The following TAF1L variants were observed in gnomAD, a reference collection of about 807,000 sequenced individuals.
The protein encoded by TAF1L is transcription initiation factor TFIID subunit 1-like.
A neutral mutation model predicts 128.8 loss-of-function variants in TAF1L; 30 were observed. The observed-to-expected ratio is 0.23, with a 90% CI of 0.17 to 0.32. The LOEUF is 0.32. TAF1L is among the 10% of genes least tolerant of loss of function. The pLI is 1.00. For synonymous variants in TAF1L, 764 were observed against 790.7 expected, an observed-to-expected ratio of 0.97 and a Z score of 0.57; for missense variants, 2,099 against 2,253.7, an observed-to-expected ratio of 0.93 and a Z score of 1.39.
rs776379584 is a variant in TAF1L at position 32,634,637 on chromosome 9, A to T, written c.943T>A (p.Tyr315Asn). Residue 315 changes from tyrosine (Y) to asparagine (N), a missense_variant, in exon 1 of 1, where the codon TAT becomes AAT. Tyr to Asn is a moderately radical substitution (Grantham distance 143, BLOSUM62 -2). Coordinates refer to ENST00000242310, the MANE Select transcript of TAF1L (RefSeq NM_153809.2). ...VSQKSLWNYD[Y>N]APPPPPEQCL... ...TGCTCTGGGGGTGGTGGTGGAGCAT[A>T]GTCATAGTTCCACAAAGACTTCTGG... 3.1e-6 allele frequency: 5 copies of T among 1,613,936 alleles called. No homozygotes were observed. Among genetic ancestry groups the T allele is most frequent in the Non-Finnish European group, 4.2e-6 (5 of 1,179,966 alleles).
Position 32,630,371 on chromosome 9 carries a change from G to C in TAF1L, c.5209C>G (p.Pro1737Ala). ...EEDGKPKPPA[P>A]EGGDGDLADE... ...GCAAGATCACCATCTCCCCCTTCTG[G>C]GGCTGGAGGCTTAGGTTTCCCATCC... The change falls in exon 1 of 1, where the codon CCA (proline) becomes GCA (alanine). Residue 1737 changes from proline (P) to alanine (A), a missense_variant. By Grantham distance (27) the Pro-to-Ala change is conservative. Coordinates refer to ENST00000242310, the MANE Select transcript of TAF1L (RefSeq NM_153809.2). 1 of 1,614,038 alleles carries C rather than the reference G, an allele frequency of 6.2e-7. No individual in the cohort carries two copies. The highest frequency in any genetic ancestry group is 8.5e-7 in the Non-Finnish European group (1 of 1,179,998).
Position 32,631,354 on chromosome 9 carries a change from T to G in TAF1L, c.4226A>C (p.Glu1409Ala), listed in dbSNP as rs2119084430. 2.5e-6 allele frequency: 4 copies of G among 1,614,178 alleles called. No individual in the cohort carries two copies. The East Asian group carries it at 6.7e-5, about 27-fold the overall frequency. Reference protein sequence around the residue: ...DPMVTLSSILESIINDMRDLP... With the variant: ...DPMVTLSSILASIINDMRDLP... ...ATCTCTCATGTCATTGATGATAGAC[T>G]CCAGGATGGATGACAGCGTCACCAT... Residue 1409 changes from glutamate to alanine, a missense_variant, in exon 1 of 1, where the codon GAG becomes GCG. By Grantham distance (107) the Glu-to-Ala change is moderately radical. Transcript: ENST00000242310. This position sits in a 1 kb window ranked among gnomAD's most constrained non-coding sequence, Gnocchi z 4.1.
At position 32,632,279 on chromosome 9, in the gene TAF1L, C is replaced by T; in HGVS notation, c.3301G>A (p.Val1101Ile). 2 of 1,614,200 alleles carry T rather than the reference C, an allele frequency of 1.2e-6. No individual in the cohort carries two copies. Among genetic ancestry groups the T allele is most frequent in the Non-Finnish European group, 1.7e-6 (2 of 1,180,044 alleles). ...ATGCTGTCTGTGTCAGTTGATAAGACCTCAGTTGATGACAGAACCTTGTTC... is the reference window on the plus strand; with the variant it reads ...ATGCTGTCTGTGTCAGTTGATAAGATCTCAGTTGATGACAGAACCTTGTTC... ...LQNKVLSSTEVLSTDTDSISA... is the reference protein window; with the variant it reads ...LQNKVLSSTEILSTDTDSISA... The change falls in exon 1 of 1, where the codon GTC (valine) becomes ATC (isoleucine). Residue 1101 changes from valine (V) to isoleucine (I), a missense_variant. Around this residue, in one of 4 missense-constraint regions of TAF1L, gnomAD observed 1,213 missense variants for 1,391.4 expected, o/e 0.87. Coordinates refer to ENST00000242310, the MANE Select transcript of TAF1L (RefSeq NM_153809.2). The surrounding 1 kb of genome is among the most constrained non-coding windows in gnomAD (Gnocchi z 4.4).
chr9:32,635,080 T>C lies in TAF1L; in HGVS notation c.500A>G (p.Lys167Arg), dbSNP rs997944811. 4.3e-6 allele frequency: 7 copies of C among 1,613,946 alleles called. No homozygotes were observed. The African/African-American group carries it at 6.7e-5, about 15-fold the overall frequency. ...PPPPPPGPMK[K>R]DKDQDAITCV... ...GGTAATAGCATCTTGGTCCTTATCC[T>C]TCTTCATTGGTCCCGGGGGTGGAGG... The change falls in exon 1 of 1, where the codon AAG (lysine) becomes AGG (arginine). Residue 167 changes from lysine to arginine, a missense_variant. Coordinates refer to ENST00000242310, the MANE Select transcript of TAF1L (RefSeq NM_153809.2).
Position 32,635,572 on chromosome 9 carries a change from G to C in TAF1L, c.8C>G (p.Pro3Arg), listed in dbSNP as rs1822574565. Residue 3 changes from proline to arginine, a missense_variant, in exon 1 of 1, where the codon CCC becomes CGC. Physicochemically the swap from Pro to Arg is moderately radical, Grantham distance 103. Around this residue, in one of 4 missense-constraint regions of TAF1L, gnomAD observed 473 missense variants for 429.6 expected, o/e 1.10. Transcript: ENST00000242310. MR[P>R]GCDLLLRAAA... is the part of the protein sequence containing the mutation. ...TGCCCTCAGCAGCAAATCGCAGCCG[G>C]GTCGCATAAACCGGAAATAAAACAA... 1.2e-6 allele frequency: 2 copies of C among 1,612,856 alleles called. No individual in the cohort carries two copies. The highest frequency in any genetic ancestry group is 8.5e-7 in the Non-Finnish European group (1 of 1,179,382).
chr9:32,631,493 T>C lies in TAF1L; in HGVS notation c.4087A>G (p.Lys1363Glu). Residue 1363 changes from lysine (K) to glutamate (E), a missense_variant, in exon 1 of 1, where the codon AAG becomes GAG. Lys to Glu is a moderately conservative substitution (Grantham distance 56). Coordinates refer to ENST00000242310, the MANE Select transcript of TAF1L (RefSeq NM_153809.2). The surrounding 1 kb of genome is among the most constrained non-coding windows in gnomAD (Gnocchi z 4.1). ...GGAGGAAGCTGCTGTTTAGGAAACT[T>C]GAGAACCAGAGATTTTCTGCGAACC... is the stretch of plus-strand genomic sequence containing the variant. ...HEVRRKSLVLKFPKQQLPPKK... is the reference protein window; with the variant it reads ...HEVRRKSLVLEFPKQQLPPKK... The C allele has an allele frequency of 1.9e-6, 3 of 1,614,208 alleles. No homozygotes were observed. The highest frequency in any genetic ancestry group is 4.5e-5 in the East Asian group (2 of 44,888).
In TAF1L at chr9:32,630,416, C is replaced by A. The variant is rs903517850; in HGVS notation, c.5164G>T (p.Gly1722Trp). Residue 1722 changes from glycine to tryptophan, a missense_variant, in exon 1 of 1, where the codon GGG becomes TGG. Gly to Trp is a radical substitution (Grantham distance 184). Transcript: ENST00000242310. ...GEEDSDVDVE[G>W]YDDEEEDGKP... ...CCATCCTCCTCCTCATCATCATACC[C>A]TTCAACATCCACATCAGAGTCTTCC... 6.2e-7 allele frequency: 1 copy of A among 1,614,206 alleles called. No individual in the cohort carries two copies.
Position 32,630,469 on chromosome 9 carries a change from ATC to A in TAF1L, c.5109_5110del (p.Gln1703HisfsTer7), listed in dbSNP as rs777233672. 2 of 1,614,138 alleles carry A rather than the reference ATC, an allele frequency of 1.2e-6. No homozygotes were observed. The highest frequency in any genetic ancestry group is 1.7e-6 in the Non-Finnish European group (2 of 1,180,024). On this transcript the variant is annotated frameshift_variant, in exon 1 of 1. Transcript: ENST00000242310. LOFTEE classifies it high-confidence loss of function. ...ACCCAGCCTACCTTGGCCCTGGCAC[ATC>A]TGTTTTTCTGGAGTGGCAGTGGAAA...
At position 32,631,898 on chromosome 9, in the gene TAF1L, A is replaced by G. The variant is rs1822522603; in HGVS notation, c.3682T>C (p.Phe1228Leu). 6.2e-7 allele frequency: 1 copy of G among 1,613,960 alleles called. No individual in the cohort carries two copies. The highest frequency in any genetic ancestry group is 8.5e-7 in the Non-Finnish European group (1 of 1,180,046). The change falls in exon 1 of 1, where the codon TTT becomes CTT. Residue 1228 changes from phenylalanine to leucine, a missense_variant. By Grantham distance (22) the Phe-to-Leu change is conservative. Transcript: ENST00000242310. This position sits in a 1 kb window ranked among gnomAD's most constrained non-coding sequence, Gnocchi z 4.1. ...CGATGTTTTTCATCAAAAAGGGCAA[A>G]TTTTTGAATGAATTTCTCATCTTTT... is the stretch of plus-strand genomic sequence containing the variant. Reference protein sequence around the residue: ...TTKDEKFIQKFALFDEKHREE... With the variant: ...TTKDEKFIQKLALFDEKHREE...
Position 32,633,044 on chromosome 9 carries a change from T to A in TAF1L, c.2536A>T (p.Met846Leu). The A allele has an allele frequency of 6.2e-7, 1 of 1,614,194 alleles. No homozygotes were observed. Residue 846 changes from methionine (M) to leucine (L), a missense_variant, in exon 1 of 1, where the codon ATG (methionine) becomes TTG (leucine). By Grantham distance (15) the Met-to-Leu change is conservative. Coordinates refer to ENST00000242310, the MANE Select transcript of TAF1L (RefSeq NM_153809.2). ...KSKDRPRRIR[M>L]EDIKKAFPSH... is the part of the protein sequence containing the mutation. ...GGAAAGGCTTTTTTTATATCTTCCA[T>A]TCGTATCCTCCGTGGCCGATCTTTA... is the stretch of plus-strand genomic sequence containing the variant.
At position 32,630,809 on chromosome 9, in the gene TAF1L, C is replaced by T. The variant is rs767781428; in HGVS notation, c.4771G>A (p.Val1591Ile). ...YQSRESFLDDVNLILANSVKY... is the reference protein window; with the variant it reads ...YQSRESFLDDINLILANSVKY... ...ACACTGTTGGCAAGAATAAGGTTTA[C>T]ATCATCTAGAAAACTCTCCCGACTC... Residue 1591 changes from valine (V) to isoleucine (I), a missense_variant, in exon 1 of 1, where the codon GTA becomes ATA. This residue lies in a region of TAF1L where 404 missense variants were observed against 406.5 expected (regional missense o/e 0.99). Coordinates refer to ENST00000242310, the MANE Select transcript of TAF1L (RefSeq NM_153809.2). 15 of 1,614,188 alleles carry T rather than the reference C, an allele frequency of 9.3e-6. No individual in the cohort carries two copies. Among genetic ancestry groups the T allele is most frequent in the Non-Finnish European group, 1.2e-5 (14 of 1,180,042 alleles).
Position 32,630,275 on chromosome 9 carries a change from C to T in TAF1L, c.5305G>A (p.Gly1769Arg). 6.2e-7 allele frequency: 1 copy of T among 1,614,204 alleles called. No individual in the cohort carries two copies. The highest frequency in any genetic ancestry group is 8.5e-7 in the Non-Finnish European group (1 of 1,180,046). ...CCAGCATCTTCCTCATCATCTTCTC[C>T]TTCAGATATAAGCAAATCCTCATAC... ...VLYEDLLISE[G>R]EDDEEDAGSD... is the part of the protein sequence containing the mutation. Residue 1769 changes from glycine to arginine, a missense_variant, in exon 1 of 1, where the codon GGA becomes AGA. By Grantham distance (125) the Gly-to-Arg change is moderately radical (BLOSUM62 -2). Coordinates refer to ENST00000242310, the MANE Select transcript of TAF1L (RefSeq NM_153809.2).
In TAF1L at chr9:32,630,560, A is replaced by T; in HGVS notation, c.5020T>A (p.Ser1674Thr). ...QPPDMYDTNT[S>T]LSTSRDASVF... ...GAGGCATCTCGAGACGTACTGAGGGATGTGTTGGTATCATACATATCAGGA... is the reference window on the plus strand; with the variant it reads ...GAGGCATCTCGAGACGTACTGAGGGTTGTGTTGGTATCATACATATCAGGA... The change falls in exon 1 of 1, where the codon TCC (serine) becomes ACC (threonine). Residue 1674 changes from serine (S) to threonine (T), a missense_variant. By Grantham distance (58) the Ser-to-Thr change is moderately conservative (BLOSUM62 1). This residue lies in a region of TAF1L where 404 missense variants were observed against 406.5 expected (regional missense o/e 0.99). Transcript: ENST00000242310. 6.2e-7 allele frequency: 1 copy of T among 1,614,122 alleles called. No individual in the cohort carries two copies. The highest frequency in any genetic ancestry group is 8.5e-7 in the Non-Finnish European group (1 of 1,180,022).
At position 32,633,197 on chromosome 9, in the gene TAF1L, A is replaced by G. The variant is rs191743642; in HGVS notation, c.2383T>C (p.Leu795=). ...RTRQGYYIRE[L]VDIFVVGQQC... The stretch of plus-strand genomic sequence containing the variant: ...TGGCCAACCACAAAAATATCCACTA[A>G]TTCCCGAATATAGTAACCCTGTCTT... Residue 795 remains leucine (L), a synonymous_variant, in exon 1 of 1, where the codon TTA becomes CTA. Coordinates refer to ENST00000242310, the MANE Select transcript of TAF1L (RefSeq NM_153809.2). 2 of 1,614,170 alleles carry G rather than the reference A, an allele frequency of 1.2e-6. No homozygotes were observed. The highest frequency in any genetic ancestry group is 1.7e-6 in the Non-Finnish European group (2 of 1,180,032).
In TAF1L at chr9:32,635,463, A is replaced by G. The variant is rs1352340461; in HGVS notation, c.117T>C (p.Gly39=). The G allele has an allele frequency of 6.2e-7, 1 of 1,614,102 alleles. No individual in the cohort carries two copies. The highest frequency in any genetic ancestry group is 8.5e-7 in the Non-Finnish European group (1 of 1,180,010). ...CTCCACTGATGTTGCCGAAAAGGAT[A>G]CCCGCTAAAGTAAATGGGCCACCTC... is the stretch of plus-strand genomic sequence containing the variant. The part of the protein sequence containing the change: ...SSGGGPFTLA[G]ILFGNISGAG... The change falls in exon 1 of 1, where the codon GGT becomes GGC. Residue 39 remains glycine, a synonymous_variant. Coordinates refer to ENST00000242310, the MANE Select transcript of TAF1L (RefSeq NM_153809.2).
rs1199687583 is a variant in TAF1L at position 32,634,673 on chromosome 9, A to G, written c.907T>C (p.Ser303Pro). 2 of 1,613,854 alleles carry G rather than the reference A, an allele frequency of 1.2e-6. No individual in the cohort carries two copies. Among genetic ancestry groups the G allele is most frequent in the East Asian group, 2.2e-5 (1 of 44,856 alleles). Residue 303 changes from serine to proline, a missense_variant, in exon 1 of 1, where the codon TCA (serine) becomes CCA (proline). Ser to Pro is a moderately conservative substitution (Grantham distance 74). Transcript: ENST00000242310. ...CACAAAGACTTCTGGCTGACTTCTG[A>G]TTCTACTGAGCATTCCACCTCCTGG... The part of the protein sequence containing the change: ...QIQEVECSVE[S>P]EVSQKSLWNY...
At position 32,634,365 on chromosome 9, in the gene TAF1L, C is replaced by T. The variant is rs373288483; in HGVS notation, c.1215G>A (p.Arg405=). 6.2e-6 allele frequency: 10 copies of T among 1,614,082 alleles called. No homozygotes were observed. Among genetic ancestry groups the T allele is most frequent in the Non-Finnish European group, 7.6e-6 (9 of 1,180,044 alleles). Residue 405 remains arginine (R), a synonymous_variant, in exon 1 of 1, where the codon AGG becomes AGA. Coordinates refer to ENST00000242310, the MANE Select transcript of TAF1L (RefSeq NM_153809.2). ...VIKSRMMEEF[R]KLEESNGTDL... ...CAGTGCCATTGCTTTCCTCAAGTTT[C>T]CTAAATTCCTCCATCATTCTAGATT...
Position 32,634,314 on chromosome 9 carries a change from C to T in TAF1L, c.1266G>A (p.Leu422=), listed in dbSNP as rs1477230747. 6.2e-7 allele frequency: 1 copy of T among 1,614,082 alleles called. No individual in the cohort carries two copies. The highest frequency in any genetic ancestry group is 1.3e-5 in the African/African-American group (1 of 74,920). The part of the protein sequence containing the change: ...GTDLLADENF[L]MVTQLHWEDS... ...CCTCCCAATGCAGCTGTGTCACCATCAGGAAGTTTTCGTCAGCCAGAAGAT... is the reference window on the plus strand; with the variant it reads ...CCTCCCAATGCAGCTGTGTCACCATTAGGAAGTTTTCGTCAGCCAGAAGAT... The change falls in exon 1 of 1, where the codon CTG becomes CTA. Residue 422 remains leucine, a synonymous_variant. Coordinates refer to ENST00000242310, the MANE Select transcript of TAF1L (RefSeq NM_153809.2).
In TAF1L at chr9:32,631,581, T is replaced by A; in HGVS notation, c.3999A>T (p.Glu1333Asp). 3 of 1,614,174 alleles carry A rather than the reference T, an allele frequency of 1.9e-6. No individual in the cohort carries two copies. The highest frequency in any genetic ancestry group is 1.6e-4 in the Middle Eastern group (1 of 6,062). The part of the protein sequence containing the change: ...EKTVIHNDNE[E>D]LIKVEGTKIV... ...TTTTGGTCCCTTCAACCTTGATAAGTTCTTCATTATCATTATGAATGACTG... is the reference window on the plus strand; with the variant it reads ...TTTTGGTCCCTTCAACCTTGATAAGATCTTCATTATCATTATGAATGACTG... Residue 1333 changes from glutamate (E) to aspartate (D), a missense_variant, in exon 1 of 1, where the codon GAA (glutamate) becomes GAT (aspartate). Coordinates refer to ENST00000242310, the MANE Select transcript of TAF1L (RefSeq NM_153809.2). The surrounding 1 kb of genome is among the most constrained non-coding windows in gnomAD (Gnocchi z 4.1).
Sources: gnomAD v4.1 joint callset for allele counts on GRCh38, gnomAD v4.1.1 for gene constraint, gnomAD v4.1.1 regional missense constraint, Gnocchi (gnomAD v3.1) non-coding constraint, MANE v1.5 for transcripts, NCBI Gene and HGNC (gene_info 2026-07-23, HGNC 2026-07-21) for gene names.